The following IQSEC1 variants were observed in gnomAD, a reference collection of about 807,000 sequenced individuals.
IQSEC1 encodes the protein IQ motif and Sec7 domain ArfGEF 1, also known as IQ motif and SEC7 domain-containing protein 1.
IQSEC1 carries 31 observed loss-of-function variants against 91.0 expected under a neutral mutation model. The observed-to-expected ratio is 0.34, with a 90% CI of 0.26 to 0.46. The LOEUF (loss-of-function observed/expected upper bound fraction) is 0.46, where lower values mean the gene tolerates loss of function less well. IQSEC1 is among the 20% of genes least tolerant of loss of function. The probability of loss-of-function intolerance (pLI) is 1.00; values close to 1 mark genes in which losing one functional copy is unlikely to be tolerated. For missense variants in IQSEC1, 1,388 were observed against 1,575.6 expected (o/e 0.88, Z 2.02); for synonymous variants, 699 against 662.6 (o/e 1.05, Z -0.84).
At chr3:13,010,026 A>C (rs1206423211) in intron 1 of IQSEC1, among the ~76,000 whole-genome samples, 1 of 152,264 alleles carries the variant, frequency 6.6e-6, no homozygotes, top group African/African-American at 2.4e-5. Flanking sequence ...GACCTTCGGC[A>C]AGTGACTGTG....
intron 1 of IQSEC1, among the ~76,000 whole-genome samples, chr3:13,249,240 C>T (rs1044658909): frequency 1.4e-5 from 2 of 143,534 alleles, no homozygotes; most frequent in Non-Finnish European, 3.0e-5. Flanking sequence ...GGCGCGATCT[C>T]GGCTCACTGC....
intron 1 of IQSEC1, among the ~76,000 whole-genome samples, chr3:13,192,403 G>A (rs1694052334): frequency 6.6e-6 from 1 of 152,092 alleles, no homozygotes; most frequent in South Asian, 2.1e-4. Flanking sequence ...GTAAGATGTG[G>A]CACACTGGAG....
intron 1 of IQSEC1, among the ~76,000 whole-genome samples, chr3:13,195,933 T>C (rs73031474): frequency 0.043 from 6,596 of 152,320 alleles, 182 homozygotes; most frequent in Middle Eastern, 0.054. Context: ...TGGAGGAAAC[T>C]GGGTGGAGGG....
In IQSEC1 at chr3:12,899,492, C is replaced by T. The variant is rs1370718460; in HGVS notation, c.*1491G>A. The stretch of plus-strand genomic sequence containing the variant: ...CAGACCTGCCGCGTGCAGGTCTGGC[C>T]CTGGGGAGCGCATGGTGTCACCACA... On this transcript the variant is annotated 3_prime_UTR_variant, in exon 14 of 14. Coordinates refer to ENST00000613206, the MANE Select transcript of IQSEC1 (RefSeq NM_001134382.3). The T allele has an allele frequency of 5.1e-6, 8 of 1,580,566 alleles. No individual in the cohort carries two copies. In the Admixed American group the frequency reaches 1.1e-4, roughly 22 times the overall value.
At chr3:13,135,508 T>G (rs1181364520) in intron 2 of IQSEC1, among the ~76,000 whole-genome samples, 1 of 152,228 alleles carries the variant, frequency 6.6e-6, no homozygotes, top group African/African-American at 2.4e-5. Flanking sequence ...TGGGCTGGGC[T>G]GCCATCAAAG....
At chr3:12,901,932 C>T (rs969182374) in intron 13 of IQSEC1, among the ~76,000 whole-genome samples, 1 of 152,004 alleles carries the variant, frequency 6.6e-6, no homozygotes, top group Non-Finnish European at 1.5e-5. Context: ...AGCCCTGCTC[C>T]TGCTGAAAAC....
intron 2 of IQSEC1, among the ~76,000 whole-genome samples, chr3:13,101,421 A>G (rs1400339234): frequency 6.8e-6 from 1 of 148,080 alleles, no homozygotes; most frequent in Non-Finnish European, 1.5e-5. Flanking sequence ...TCCATCTCCA[A>G]AAAAAAAAAA....
chr3:13,099,262 G>C (rs1264337658), intron 2 of IQSEC1, among the ~76,000 whole-genome samples: 1 of 152,222 alleles, frequency 6.6e-6, no homozygotes, highest in Non-Finnish European at 1.5e-5. Context: ...GAGGCACATC[G>C]GCTATATCAG....
At position 12,897,056 on chromosome 3, in the gene IQSEC1, G is replaced by T. The variant is rs1693721264; in HGVS notation, c.*3927C>A. Among the ~76,000 whole-genome samples, 1 of 152,170 alleles carries T rather than the reference G, an allele frequency of 6.6e-6. No homozygotes were observed. Among genetic ancestry groups the T allele is most frequent in the Admixed American group, 6.5e-5 (1 of 15,276 alleles). On this transcript the variant is annotated 3_prime_UTR_variant, in exon 14 of 14. Coordinates refer to ENST00000613206, the MANE Select transcript of IQSEC1 (RefSeq NM_001134382.3). ...TGAAACCTTCTATTGGTTGTGATGT[G>T]TCCCTTTATTTTAAATTTTGTATCA...
intron 3 of IQSEC1, among the ~76,000 whole-genome samples, chr3:12,926,839 A>G (rs1326705027): frequency 6.6e-6 from 1 of 152,136 alleles, no homozygotes; most frequent in Non-Finnish European, 1.5e-5. Flanking sequence ...TGCTATTTTT[A>G]TCCCAGGATG....
chr3:13,004,455 C>T (rs1042607234), intron 1 of IQSEC1, among the ~76,000 whole-genome samples: 4 of 152,134 alleles, frequency 2.6e-5, no homozygotes, highest in African/African-American at 9.7e-5. Flanking sequence ...TACACCCAGG[C>T]CCCAGCCTCC....
At chr3:13,167,226 T>A (rs1693515065) in intron 1 of IQSEC1, among the ~76,000 whole-genome samples, 1 of 152,216 alleles carries the variant, frequency 6.6e-6, no homozygotes, top group Non-Finnish European at 1.5e-5. Flanking sequence ...TTGCATGGGC[T>A]GTCCCTGAGG....
chr3:13,280,649 C>G (rs1433395837), intron 1 of IQSEC1, among the ~76,000 whole-genome samples: 1 of 152,190 alleles, frequency 6.6e-6, no homozygotes, highest in Non-Finnish European at 1.5e-5. Context: ...GGTCCGGGCC[C>G]AGCAGCAGCG....
intron 1 of IQSEC1, among the ~76,000 whole-genome samples, chr3:13,275,750 G>C (rs1235944150): frequency 6.6e-6 from 1 of 152,200 alleles, no homozygotes; most frequent in Admixed American, 6.5e-5. Flanking sequence ...CTATTTGCAT[G>C]ATGTTTCCAA....
chr3:13,034,886 A>G (rs1175032798), intron 1 of IQSEC1, among the ~76,000 whole-genome samples: 1 of 152,190 alleles, frequency 6.6e-6, no homozygotes, highest in Admixed American at 6.5e-5. Flanking sequence ...TCCAGCACAC[A>G]GGCTCCCCTA....
rs528618514 is a variant in IQSEC1, at chr3:13,134,908, G to A, written c.302+29196C>T. Among the ~76,000 whole-genome samples the A allele has an allele frequency of 5.3e-5, 8 of 152,278 alleles. No homozygotes were observed. In the East Asian group the frequency reaches 1.5e-3, roughly 29 times the overall value. On this transcript the variant is annotated intron_variant, in intron 2 of 15. Transcript: ENST00000648114. The stretch of plus-strand genomic sequence containing the variant: ...GAGAGACTGAGGCAGGCCCGGGCCT[G>A]CCATGAATCCAGGGCTCGGGACAGA...
intron 1 of IQSEC1, among the ~76,000 whole-genome samples, chr3:12,998,549 G>T (rs894459212): frequency 6.6e-6 from 1 of 152,122 alleles, no homozygotes; most frequent in Admixed American, 6.5e-5. Context: ...TGCTCAGGAC[G>T]ATGAAGTGGG....
chr3:13,107,877 A>C (rs1253235989), intron 2 of IQSEC1, among the ~76,000 whole-genome samples: 1 of 152,190 alleles, frequency 6.6e-6, no homozygotes, highest in Non-Finnish European at 1.5e-5. Flanking sequence ...TCCCCAGGGC[A>C]CTTGCTGAGC....
In IQSEC1 at chr3:12,899,198, G is replaced by GGCCA. The variant is rs958228598; in HGVS notation, c.*1781_*1784dup. 501 of 623,042 alleles carry GGCCA rather than the reference G, an allele frequency of 8.0e-4. 2 individuals are homozygous for GGCCA. Among genetic ancestry groups the GGCCA allele is most frequent in the Non-Finnish European group, 4.0e-4 (142 of 353,880 alleles). The allele number at this position is 623,042 out of a possible 1,614,324, so 38.6% of individuals were successfully genotyped here. A position where few individuals can be genotyped will look rare whatever the true frequency, so the allele number is the denominator to read the frequency against. ...TGAGGAGGGAAATCGGCAAAACCCT[G>GGCCA]GCCAGCCAGCCAGCCAAGGTGACAC... On this transcript the variant is annotated 3_prime_UTR_variant, in exon 14 of 14. Coordinates refer to ENST00000613206, the MANE Select transcript of IQSEC1 (RefSeq NM_001134382.3).
Sources: allele counts gnomAD v4.1 joint callset (sites outside exome capture counted in the v4.1 genomes callset), GRCh38; gene constraint gnomAD v4.1.1; transcripts MANE v1.5; gene names NCBI Gene and HGNC (gene_info 2026-07-23, HGNC 2026-07-21).